Variants in CRACR2A observed in about 807,000 individuals in gnomAD.
CRACR2A encodes the protein calcium release activated channel regulator 2A.
CRACR2A carries 79 observed loss-of-function variants against 90.5 expected under a neutral mutation model. The ratio of observed to expected loss-of-function variants is 0.87; its 90% confidence interval spans 0.73 to 1.05. The LOEUF (loss-of-function observed/expected upper bound fraction) is 1.05, where lower values mean the gene tolerates loss of function less well. Among genes scored for constraint, CRACR2A ranks in the 50% least tolerant of loss-of-function variants. The probability of loss-of-function intolerance (pLI) is 0.00; values close to 1 mark genes in which losing one functional copy is unlikely to be tolerated. For missense variants in CRACR2A, 823 were observed against 897.2 expected, an observed-to-expected ratio of 0.92 and a Z score of 1.06; for synonymous variants, 338 against 356.7, an observed-to-expected ratio of 0.95 and a Z score of 0.59.
At chr12:3,709,911 A>C (rs1237159863) in intron 3 of CRACR2A, among the ~76,000 whole-genome samples, 1 of 152,262 alleles carries the variant, frequency 6.6e-6, no homozygotes. Flanking sequence ...TACCTGATAC[A>C]ATATGGACTA....
rs745874306 is a variant in CRACR2A, at chr12:3,696,975, C to T, written c.25G>A (p.Val9Ile). 1.1e-5 allele frequency: 17 copies of T among 1,613,354 alleles called. No individual in the cohort carries two copies. The highest frequency in any genetic ancestry group is 1.6e-4 in the Middle Eastern group (1 of 6,080). ...TGACCAAGTCTCTGGGGTCTGGAGA[C>T]TACCCTCCCGTCAGGGGCAGCCATC... MAAPDGRVVSRPQRLGQGS... is the reference protein window; with the variant it reads MAAPDGRVISRPQRLGQGS... Residue 9 changes from valine to isoleucine, a missense_variant, in exon 4 of 20, where the codon GTC becomes ATC. Coordinates refer to ENST00000440314, the MANE Select transcript of CRACR2A (RefSeq NM_001144958.2).
intron 12 of CRACR2A, 123 bp downstream of exon 12, chr12:3,644,472 C>T (rs979175399): frequency 4.1e-5 from 43 of 1,037,558 alleles, no homozygotes; most frequent in Admixed American, 2.5e-4. Flanking sequence ...GTTTTCATGC[C>T]GTCATCCTGC....
At chr12:3,672,880 G>A (rs1010125103) in intron 7 of CRACR2A, 10 of 819,704 alleles carry the variant, frequency 1.2e-5, no homozygotes, top group East Asian at 1.2e-4. Context: ...AGGCCGTGAC[G>A]GGAGAGAGCG....
intron 17 of CRACR2A, among the ~76,000 whole-genome samples, chr12:3,624,143 T>G (rs1944210411): frequency 6.6e-6 from 1 of 151,870 alleles, no homozygotes; most frequent in African/African-American, 2.4e-5. Flanking sequence ...CTTCCAAGAG[T>G]CTTTCCCATG....
intron 2 of CRACR2A, chr12:3,728,639 T>G (rs1242524309): frequency 1.3e-5 from 2 of 152,292 alleles, no homozygotes; most frequent in Non-Finnish European, 2.9e-5. Flanking sequence ...GAAGAGGATT[T>G]TGCCCCGCTG....
At chr12:3,715,707 A>C (rs189378166) in intron 2 of CRACR2A, among the ~76,000 whole-genome samples, 2 of 152,364 alleles carry the variant, frequency 1.3e-5, no homozygotes, top group Admixed American at 1.3e-4. Flanking sequence ...TGGAATTAAA[A>C]GATGAAAATT....
At chr12:3,615,971 A>G (rs1442872528) in intron 19 of CRACR2A, among the ~76,000 whole-genome samples, 1 of 152,254 alleles carries the variant, frequency 6.6e-6, no homozygotes, top group Non-Finnish European at 1.5e-5. Flanking sequence ...GAGGAATTAA[A>G]AATAATGGTA....
chr12:3,703,795 T>C (rs1336682618), intron 3 of CRACR2A, among the ~76,000 whole-genome samples: 1 of 152,210 alleles, frequency 6.6e-6, no homozygotes, highest in Non-Finnish European at 1.5e-5. Context: ...AAACAAGATA[T>C]AGGGATATCA....
chr12:3,742,472 T>G (rs1946543034), intron 1 of CRACR2A, among the ~76,000 whole-genome samples: 1 of 152,190 alleles, frequency 6.6e-6, no homozygotes, highest in African/African-American at 2.4e-5. Context: ...TGCTAGGTTC[T>G]ATTTGACAAC....
In CRACR2A at chr12:3,641,813, GTGT is replaced by G; in HGVS notation, c.1187_1189del (p.Asn396del). The G allele has an allele frequency of 6.4e-7, 1 of 1,551,724 alleles. No homozygotes were observed. Among genetic ancestry groups the G allele is most frequent in the Admixed American group, 2.0e-5 (1 of 51,008 alleles). ...TTTCCAACTTGCCCTGGAAGCAGCTGTGTTTGCCTTGGCTGCCTTATTTTTCTG... is the reference window on the plus strand; with the variant it reads ...TTTCCAACTTGCCCTGGAAGCAGCTGTTGCCTTGGCTGCCTTATTTTTCTG... On this transcript the variant is annotated inframe_deletion, in exon 13 of 20. Coordinates refer to ENST00000440314, the MANE Select transcript of CRACR2A (RefSeq NM_001144958.2).
intron 2 of CRACR2A, among the ~76,000 whole-genome samples, chr12:3,724,959 GAGA>G (rs1279971431): frequency 6.6e-6 from 1 of 152,142 alleles, no homozygotes; most frequent in East Asian, 1.9e-4. Context: ...GGAGAGAATG[GAGA>G]AGAAGAATGG....
rs915570312 is a variant in CRACR2A at position 3,633,385 on chromosome 12, C to A, written c.1735+219G>T. ...CTTACAAAGTACTCAGGGGTCCCAT[C>A]ACACACAGGATGAGCTTAGCAGCTA... On this transcript the variant is annotated intron_variant, in intron 15 of 19. Transcript: ENST00000440314. This position sits in a 1 kb window ranked among gnomAD's most constrained non-coding sequence, Gnocchi z 4.5. Among the ~76,000 whole-genome samples, 2 of 152,150 alleles carry A rather than the reference C, an allele frequency of 1.3e-5. No individual in the cohort carries two copies. The highest frequency in any genetic ancestry group is 4.8e-5 in the African/African-American group (2 of 41,428).
chr12:3,668,591 G>T (rs979569504), intron 7 of CRACR2A, among the ~76,000 whole-genome samples: 4 of 152,174 alleles, frequency 2.6e-5, no homozygotes, highest in Admixed American at 6.5e-5. Flanking sequence ...CTATCTGGAG[G>T]CAGGGCCAGT....
At chr12:3,658,120 G>C (rs1316185644) in intron 8 of CRACR2A, among the ~76,000 whole-genome samples, 1 of 152,228 alleles carries the variant, frequency 6.6e-6, no homozygotes, top group Non-Finnish European at 1.5e-5. Flanking sequence ...GTCAAGAAGG[G>C]AGAAGGAGGG....
At chr12:3,641,498 G>A (rs1173127787) in intron 13 of CRACR2A, among the ~76,000 whole-genome samples, 2 of 152,208 alleles carry the variant, frequency 1.3e-5, no homozygotes, top group Non-Finnish European at 2.9e-5. Flanking sequence ...ACAGTAGGGT[G>A]GGGCAGCCTC....
At chr12:3,676,277 A>G (rs949131872) in intron 6 of CRACR2A, among the ~76,000 whole-genome samples, 1 of 152,146 alleles carries the variant, frequency 6.6e-6, no homozygotes, top group Non-Finnish European at 1.5e-5. Flanking sequence ...TCCCAGCCCC[A>G]CAACACACAC....
At chr12:3,719,354 C>T (rs988014671) in intron 2 of CRACR2A, among the ~76,000 whole-genome samples, 3 of 152,236 alleles carry the variant, frequency 2.0e-5, no homozygotes, top group Non-Finnish European at 4.4e-5. Context: ...TCCTCTTGTC[C>T]TCCTCCATAG....
At chr12:3,658,524 G>C (rs1367349118) in intron 8 of CRACR2A, among the ~76,000 whole-genome samples, 1 of 152,180 alleles carries the variant, frequency 6.6e-6, no homozygotes, top group East Asian at 1.9e-4. Context: ...AGAGGGAGGA[G>C]GCCTGGAAAT....
intron 17 of CRACR2A, among the ~76,000 whole-genome samples, chr12:3,622,630 ATG>A (rs141796637): frequency 7.3e-5 from 11 of 150,388 alleles, no homozygotes; most frequent in Admixed American, 1.3e-4. Context: ...GCCTATGTGC[ATG>A]TGTGTGTGTG....
Sources: gnomAD v4.1 joint callset for allele counts (sites outside exome capture counted in the v4.1 genomes callset) on GRCh38, gnomAD v4.1.1 for gene constraint, Gnocchi (gnomAD v3.1) non-coding constraint, MANE v1.5 for transcripts, NCBI Gene and HGNC (gene_info 2026-07-23, HGNC 2026-07-21) for gene names.